Variants in STAU2 observed in about 807,000 individuals in gnomAD.
STAU2 encodes the protein staufen double-stranded RNA binding protein 2.
A neutral mutation model predicts 65.9 loss-of-function variants in STAU2; 20 were observed. The observed-to-expected ratio is 0.30, with a 90% confidence interval of 0.21 to 0.44. The LOEUF (loss-of-function observed/expected upper bound fraction) is 0.44, where lower values mean the gene tolerates loss of function less well. STAU2 is among the 20% of genes least tolerant of loss of function. The probability of loss-of-function intolerance (pLI) is 1.00; values close to 1 mark genes in which losing one functional copy is unlikely to be tolerated. For missense variants in STAU2, 558 were observed against 683.9 expected (o/e 0.82, Z 2.05); for synonymous variants, 232 against 233.9 (o/e 0.99, Z 0.07).
intron 13 of STAU2, among the ~76,000 whole-genome samples, chr8:73,539,849 A>C (rs1235077568): frequency 1.6e-5 from 2 of 124,720 alleles, no homozygotes; most frequent in Non-Finnish European, 3.3e-5. Context: ...ATCCCCATCC[A>C]AAAAAAAAAA....
chr8:73,524,839 GA>G, intron 13 of STAU2, among the ~76,000 whole-genome samples: 1 of 152,292 alleles, frequency 6.6e-6, no homozygotes, highest in South Asian at 2.1e-4. Flanking sequence ...ATTAATGGGT[GA>G]AAAAGCATTT....
At chr8:73,536,053 T>C (rs1296798001) in intron 13 of STAU2, among the ~76,000 whole-genome samples, 1 of 152,218 alleles carries the variant, frequency 6.6e-6, no homozygotes, top group Non-Finnish European at 1.5e-5. Flanking sequence ...TACTTGAATT[T>C]AAAATAGTTA....
chr8:73,636,389 A>G (rs985230607), intron 6 of STAU2, among the ~76,000 whole-genome samples: 1 of 151,932 alleles, frequency 6.6e-6, no homozygotes, highest in East Asian at 1.9e-4. Flanking sequence ...ACATACACAC[A>G]CACACATACA....
intron 5 of STAU2, among the ~76,000 whole-genome samples, chr8:73,688,427 A>C (rs561902958): frequency 6.6e-6 from 1 of 151,556 alleles, no homozygotes; most frequent in South Asian, 2.1e-4. Context: ...CGGCCTCCCA[A>C]AGTGCTGGGA....
At chr8:73,682,650 A>T (rs994015997) in intron 5 of STAU2, among the ~76,000 whole-genome samples, 4 of 152,154 alleles carry the variant, frequency 2.6e-5, no homozygotes, top group Non-Finnish European at 5.9e-5. Context: ...GAAACAAAAG[A>T]AATACAAAAG....
At chr8:73,491,397 T>C (rs769828822) in intron 13 of STAU2, among the ~76,000 whole-genome samples, 1 of 151,984 alleles carries the variant, frequency 6.6e-6, no homozygotes, top group Non-Finnish European at 1.5e-5. Context: ...ATCAGACTTG[T>C]CAATAGTTGC....
intron 6 of STAU2, chr8:73,651,216 C>T: frequency 1.2e-6 from 1 of 822,498 alleles, no homozygotes; most frequent in South Asian, 1.5e-5. Context: ...AGGCTAGGTC[C>T]TCAAATCTGC....
intron 6 of STAU2, among the ~76,000 whole-genome samples, chr8:73,618,716 T>C (rs1338112494): frequency 1.3e-5 from 2 of 152,212 alleles, no homozygotes; most frequent in East Asian, 1.9e-4. Flanking sequence ...CAAGGATATC[T>C]AATAGGCTAC....
At chr8:73,590,321 ATATAT>A (rs1265739774) in intron 11 of STAU2, among the ~76,000 whole-genome samples, 2 of 152,162 alleles carry the variant, frequency 1.3e-5, no homozygotes, top group African/African-American at 4.8e-5. Context: ...AAGAAAAGAA[ATATAT>A]TAAAGGCTGA....
At chr8:73,617,776 G>A (rs1812935875) in intron 6 of STAU2, among the ~76,000 whole-genome samples, 1 of 152,198 alleles carries the variant, frequency 6.6e-6, no homozygotes. Context: ...GTCTGATGAA[G>A]CTACAACAGA....
chr8:73,723,628 T>C (rs1411712831), intron 3 of STAU2, among the ~76,000 whole-genome samples: 1 of 152,232 alleles, frequency 6.6e-6, no homozygotes, highest in African/African-American at 2.4e-5. Flanking sequence ...ATTCATAATT[T>C]TTTCTGCAAT....
chr8:73,724,323 C>G (rs12548048), intron 3 of STAU2, among the ~76,000 whole-genome samples: 73,066 of 151,888 alleles, frequency 0.48, 19,650 homozygotes, highest in Non-Finnish European at 0.62. Context: ...GCAAAAGTCC[C>G]CATCCGTCCT....
At chr8:73,626,797 A>G (rs886690455) in intron 6 of STAU2, among the ~76,000 whole-genome samples, 4 of 152,176 alleles carry the variant, frequency 2.6e-5, no homozygotes, top group Non-Finnish European at 5.9e-5. Flanking sequence ...TAGAACACAC[A>G]GGAATTAGGT....
intron 4 of STAU2, among the ~76,000 whole-genome samples, chr8:73,699,968 C>T (rs1304000047): frequency 6.6e-6 from 1 of 150,434 alleles, no homozygotes. Context: ...TTTAAAAGAT[C>T]ATTCATCATG....
At chr8:73,480,235 C>T (rs1313701003) in intron 13 of STAU2, among the ~76,000 whole-genome samples, 1 of 152,152 alleles carries the variant, frequency 6.6e-6, no homozygotes, top group Non-Finnish European at 1.5e-5. Context: ...ATTCCCTGAA[C>T]ATGTCTTCCT....
At chr8:73,425,073 G>A (rs1277228942) in intron 13 of STAU2, among the ~76,000 whole-genome samples, 2 of 152,168 alleles carry the variant, frequency 1.3e-5, no homozygotes, top group African/African-American at 4.8e-5. Flanking sequence ...AACTTCAGTG[G>A]GGTGGGAGCT....
intron 6 of STAU2, among the ~76,000 whole-genome samples, chr8:73,641,018 C>A (rs540859258): frequency 6.6e-6 from 1 of 152,102 alleles, no homozygotes; most frequent in Non-Finnish European, 1.5e-5. Context: ...ATAAATTTCA[C>A]GTAGACTTAA....
At chr8:73,737,533 A>G (rs1305417564) in intron 3 of STAU2, among the ~76,000 whole-genome samples, 1 of 151,634 alleles carries the variant, frequency 6.6e-6, no homozygotes, top group Non-Finnish European at 1.5e-5. Flanking sequence ...TTGATTTGCA[A>G]TCAAAAGAAA....
intron 13 of STAU2, among the ~76,000 whole-genome samples, chr8:73,538,072 A>G (rs1806300632): frequency 6.6e-6 from 1 of 152,218 alleles, no homozygotes; most frequent in Non-Finnish European, 1.5e-5. Flanking sequence ...TGAAAGACCA[A>G]AGAACTGATA....
Sources: gnomAD v4.1 joint callset for allele counts (sites outside exome capture counted in the v4.1 genomes callset) on GRCh38, gnomAD v4.1.1 for gene constraint, MANE v1.5 for transcripts, NCBI Gene and HGNC (gene_info 2026-07-23, HGNC 2026-07-21) for gene names.